Variants in PTPRB observed in about 807,000 individuals in gnomAD.
PTPRB encodes protein tyrosine phosphatase receptor type B.
PTPRB carries 97 observed loss-of-function variants against 238.1 expected under a neutral mutation model. The observed-to-expected ratio is 0.41, with a 90% confidence interval of 0.35 to 0.48. The LOEUF (loss-of-function observed/expected upper bound fraction) is 0.48. PTPRB is among the 20% of genes least tolerant of loss of function. The probability of loss-of-function intolerance (pLI) is 0.30; values close to 1 mark genes in which losing one functional copy is unlikely to be tolerated. For missense variants in PTPRB, 2,292 were observed against 2,681.9 expected (o/e 0.85, Z 3.21); for synonymous variants, 970 against 995.4 (o/e 0.97, Z 0.48).
chr12:70,592,178 C>T, intron 7 of PTPRB, 104 bp downstream of exon 7: 3 of 1,504,218 alleles, frequency 2.0e-6, no homozygotes, highest in Non-Finnish European at 2.7e-6. Flanking sequence ...CTCCACTTCT[C>T]AGATTGGGAA....
chr12:70,571,858 T>A lies in PTPRB; in HGVS notation c.3072A>T (p.Gln1024His). 2.5e-6 allele frequency: 4 copies of A among 1,613,994 alleles called. No individual in the cohort carries two copies. Among genetic ancestry groups the A allele is most frequent in the Non-Finnish European group, 3.4e-6 (4 of 1,179,862 alleles). Residue 1024 changes from glutamine to histidine, a missense_variant, in exon 12 of 34, where the codon CAA becomes CAT. This residue lies in a region of PTPRB where 1,205 missense variants were observed against 1,287.8 expected (regional missense o/e 0.94). Coordinates refer to ENST00000334414, the MANE Select transcript of PTPRB (RefSeq NM_001109754.4). ...CATTCCCTTGTTCATTGGCTTCATA[T>A]TGTCCACTTTTTGTAGTAACAGTGA... is the stretch of plus-strand genomic sequence containing the variant. ...YSVTVTTKSG[Q>H]YEANEQGNGR...
chr12:70,552,717 A>G, intron 21 of PTPRB, 60 bp downstream of exon 21: 2 of 1,585,320 alleles, frequency 1.3e-6, no homozygotes. Flanking sequence ...TTGCTCAGAC[A>G]GCTGAGTGCT....
At position 70,544,210 on chromosome 12, in the gene PTPRB, T is replaced by C. The variant is rs182480900; in HGVS notation, c.5494+347A>G. On this transcript the variant is annotated intron_variant, in intron 22 of 33. Transcript: ENST00000334414. ...TTTTTCCTGAGCATTTCTGTGTATA[T>C]GCATATATACATTCTCACTTTTAAC... Among the ~76,000 whole-genome samples, 488 of 152,320 alleles carry C rather than the reference T, an allele frequency of 3.2e-3. 4 individuals carry two copies. The highest frequency in any genetic ancestry group is 0.011 in the African/African-American group (449 of 41,576).
At position 70,590,214 on chromosome 12, in the gene PTPRB, G is replaced by A; in HGVS notation, c.1800C>T (p.Asn600=). The A allele has an allele frequency of 1.3e-6, 2 of 1,568,902 alleles. No individual in the cohort carries two copies. The highest frequency in any genetic ancestry group is 1.2e-5 in the South Asian group (1 of 83,580). The change falls in exon 8 of 34, where the codon AAC becomes AAT. Residue 600 remains asparagine (N), a synonymous_variant. Coordinates refer to ENST00000334414, the MANE Select transcript of PTPRB (RefSeq NM_001109754.4). The part of the protein sequence containing the change: ...VGRTFPDKVA[N]LEANNNGRMR... ...TCCTGCCATTATTGTTTGCCTCCAG[G>A]TTTGCAACTTTGTCTGGAACTAAAC...
At chr12:70,618,736 C>T (rs111427068) in intron 3 of PTPRB, among the ~76,000 whole-genome samples, 12 of 152,330 alleles carry the variant, frequency 7.9e-5, no homozygotes, top group East Asian at 3.9e-4. Flanking sequence ...TGTGAAGACA[C>T]GCAATCCACA....
intron 33 of PTPRB, 56 bp downstream of exon 33, chr12:70,524,415 A>T: frequency 6.6e-7 from 1 of 1,526,356 alleles, no homozygotes; most frequent in East Asian, 2.4e-5. Flanking sequence ...ATGCCTGGCC[A>T]GATTGACCAT....
In PTPRB at chr12:70,540,855, T is replaced by TA; in HGVS notation, c.5594+2dup. ...CAATCACCAAAAGGATCTTTGTACTTACCTCACTTTCTGTCTGCAGATCAA... is the reference window on the plus strand; with the variant it reads ...CAATCACCAAAAGGATCTTTGTACTTAACCTCACTTTCTGTCTGCAGATCAA... On this transcript the variant is annotated splice_region_variant and intron_variant, in intron 23 of 33. Coordinates refer to ENST00000334414, the MANE Select transcript of PTPRB (RefSeq NM_001109754.4). The TA allele has an allele frequency of 6.3e-7, 1 of 1,591,432 alleles. No individual in the cohort carries two copies. Among genetic ancestry groups the TA allele is most frequent in the East Asian group, 2.3e-5 (1 of 44,284 alleles).
At chr12:70,534,457 C>T in intron 31 of PTPRB, 31 bp downstream of exon 31, 1 of 1,605,402 alleles carries the variant, frequency 6.2e-7, no homozygotes, top group Non-Finnish European at 8.5e-7. Context: ...CTTATGGCTG[C>T]CATTTTATTG....
intron 6 of PTPRB, among the ~76,000 whole-genome samples, chr12:70,593,399 G>A (rs1271659796): frequency 6.6e-6 from 1 of 151,428 alleles, no homozygotes; most frequent in East Asian, 1.9e-4. Context: ...TGCAATCTTA[G>A]CTACTCGGGA....
chr12:70,547,026 G>GT (rs1215242373), intron 21 of PTPRB, among the ~76,000 whole-genome samples: 2 of 147,690 alleles, frequency 1.4e-5, no homozygotes, highest in African/African-American at 2.5e-5. Context: ...TTTTGTTTTT[G>GT]TTTTTTTAAA....
chr12:70,531,947 C>T, intron 32 of PTPRB, 88 bp downstream of exon 32: 1 of 1,460,678 alleles, frequency 6.8e-7, no homozygotes, highest in Non-Finnish European at 9.5e-7. Context: ...TAGTTATTTC[C>T]CCTTGTCAGA....
chr12:70,544,180 G>A (rs574500835), intron 22 of PTPRB, among the ~76,000 whole-genome samples: 1 of 151,842 alleles, frequency 6.6e-6, no homozygotes, highest in South Asian at 2.1e-4. Context: ...TTTTCTTTTA[G>A]TCTTTTTTTC....
rs760439573 is a variant in PTPRB, at chr12:70,590,119, T to C, written c.1895A>G (p.Asn632Ser). The C allele has an allele frequency of 5.7e-5, 92 of 1,613,796 alleles. No homozygotes were observed. The highest frequency in any genetic ancestry group is 7.0e-5 in the Non-Finnish European group (83 of 1,179,882). Residue 632 changes from asparagine (N) to serine (S), a missense_variant, in exon 8 of 34, where the codon AAT becomes AGT. Coordinates refer to ENST00000334414, the MANE Select transcript of PTPRB (RefSeq NM_001109754.4). ...GATGTTGAGCAGCACCACAGAATCA[T>C]TGAAGAGTAGGATCCGATACTGCTC... Reference protein sequence around the residue: ...DWEQYRILLFNDSVVLLNITV... With the variant: ...DWEQYRILLFSDSVVLLNITV...
chr12:70,571,682 G>T, intron 12 of PTPRB, 142 bp downstream of exon 12: 1 of 930,080 alleles, frequency 1.1e-6, no homozygotes, highest in Non-Finnish European at 1.6e-6. Flanking sequence ...GCCATGGCTT[G>T]GCTGAATGAT....
chr12:70,544,568 G>C lies in PTPRB; in HGVS notation c.5483C>G (p.Thr1828Ser). The C allele has an allele frequency of 6.2e-7, 1 of 1,609,476 alleles. No homozygotes were observed. Among genetic ancestry groups the C allele is most frequent in the South Asian group, 1.1e-5 (1 of 90,854 alleles). ...YSDTFFSLPI[T>S]TESEPLFGAI... ...AAGGTTAGCCTTACCTGATTCAGTA[G>C]TGATGGGTAAAGAAAAAAATGTGTC... is the stretch of plus-strand genomic sequence containing the variant. Residue 1828 changes from threonine (T) to serine (S), a missense_variant, in exon 22 of 34, where the codon ACT becomes AGT. Thr to Ser is a moderately conservative substitution (Grantham distance 58, BLOSUM62 1). Around this residue, in one of 4 missense-constraint regions of PTPRB, gnomAD observed 397 missense variants for 502.0 expected, o/e 0.79. Transcript: ENST00000334414.
intron 11 of PTPRB, among the ~76,000 whole-genome samples, chr12:70,574,490 G>A (rs556899004): frequency 3.9e-5 from 6 of 152,326 alleles, no homozygotes; most frequent in African/African-American, 1.2e-4. Flanking sequence ...AATGATCCAG[G>A]CAATTTGCTA....
rs531780933 is a variant in PTPRB, at chr12:70,572,010, T to C, written c.2920A>G (p.Thr974Ala). 5 of 1,613,898 alleles carry C rather than the reference T, an allele frequency of 3.1e-6. No individual in the cohort carries two copies. The East Asian group carries it at 1.1e-4, about 36-fold the overall frequency. The stretch of plus-strand genomic sequence containing the variant: ...ACTTCATAGTGATCAAAGTCTCCAG[T>C]GGCATGCACCCAGGATACCCTTAAA... Reference protein sequence around the residue: ...DYLRVSWVHATGDFDHYEVTI... With the variant: ...DYLRVSWVHAAGDFDHYEVTI... The change falls in exon 12 of 34, where the codon ACT (threonine) becomes GCT (alanine). Residue 974 changes from threonine to alanine, a missense_variant. By Grantham distance (58) the Thr-to-Ala change is moderately conservative. Around this residue, in one of 4 missense-constraint regions of PTPRB, gnomAD observed 1,205 missense variants for 1,287.8 expected, o/e 0.94. Coordinates refer to ENST00000334414, the MANE Select transcript of PTPRB (RefSeq NM_001109754.4).
intron 21 of PTPRB, among the ~76,000 whole-genome samples, chr12:70,550,291 A>G (rs1188327213): frequency 1.3e-5 from 2 of 152,228 alleles, no homozygotes. Context: ...GCTCAGGCGT[A>G]TAAAAGAACC....
chr12:70,520,039 T>C lies in PTPRB; in HGVS notation c.*1450A>G. The C allele has an allele frequency of 6.3e-6, 2 of 315,248 alleles. No individual in the cohort carries two copies. The highest frequency in any genetic ancestry group is 5.3e-5 in the South Asian group (2 of 37,742). 19.5% of individuals were successfully genotyped at this position (315,248 alleles called of 1,614,324 possible). ...AAAATATATACTTTGAAAAGAAATATACTCTTTATGCAAAGGAAGCTATGC... is the reference window on the plus strand; with the variant it reads ...AAAATATATACTTTGAAAAGAAATACACTCTTTATGCAAAGGAAGCTATGC... On this transcript the variant is annotated 3_prime_UTR_variant, in exon 34 of 34. Coordinates refer to ENST00000334414, the MANE Select transcript of PTPRB (RefSeq NM_001109754.4).
Sources: allele counts gnomAD v4.1 joint callset (sites outside exome capture counted in the v4.1 genomes callset), GRCh38; gene constraint gnomAD v4.1.1; regional missense constraint gnomAD v4.1.1; transcripts MANE v1.5; gene names NCBI Gene and HGNC (gene_info 2026-07-23, HGNC 2026-07-21).